The following TAFA1 variants were observed in gnomAD, a reference collection of about 807,000 sequenced individuals.
The protein encoded by TAFA1 is chemokine-like protein TAFA-1.
A neutral mutation model predicts 18.5 loss-of-function variants in TAFA1; 4 were observed. The observed-to-expected ratio is 0.22, with a 90% CI of 0.11 to 0.49. The LOEUF (loss-of-function observed/expected upper bound fraction) is 0.49, where lower values mean the gene tolerates loss of function less well. Ranked by LOEUF, TAFA1 falls within the 20% of genes least tolerant of loss-of-function variation. The pLI, the probability that TAFA1 is intolerant of heterozygous loss-of-function variation, is 0.98. For synonymous variants in TAFA1, 56 were observed against 55.2 expected (o/e 1.01, Z -0.06); for missense variants, 147 against 169.0 (o/e 0.87, Z 0.72).
At chr3:68,071,076 C>T (rs1384413875) in intron 2 of TAFA1, among the ~76,000 whole-genome samples, 1 of 152,148 alleles carries the variant, frequency 6.6e-6, no homozygotes, top group Non-Finnish European at 1.5e-5. Flanking sequence ...TTCAGCAGTC[C>T]CCCATTCTCC....
intron 3 of TAFA1, among the ~76,000 whole-genome samples, chr3:68,432,133 C>T (rs1172881799): frequency 2.0e-5 from 3 of 151,878 alleles, no homozygotes; most frequent in African/African-American, 7.2e-5. Flanking sequence ...CTGTTGCTTT[C>T]CAACTTTTTG....
At chr3:68,506,462 CACACACAGAG>C (rs981149966) in intron 3 of TAFA1, among the ~76,000 whole-genome samples, 34 of 131,192 alleles carry the variant, frequency 2.6e-4, no homozygotes, top group Middle Eastern at 7.8e-3. Context: ...GTTCAACACA[CACACACAGAG>C]ACACACACAC....
chr3:68,332,273 A>G (rs1420715493), intron 2 of TAFA1, among the ~76,000 whole-genome samples: 1 of 152,292 alleles, frequency 6.6e-6, no homozygotes, highest in Non-Finnish European at 1.5e-5. Context: ...TTCCAAATGG[A>G]TTAAAGATCT....
chr3:68,383,064 C>T (rs76003667), intron 2 of TAFA1, among the ~76,000 whole-genome samples: 2 of 152,104 alleles, frequency 1.3e-5, no homozygotes, highest in Admixed American at 6.6e-5. Context: ...TATCCTGAGA[C>T]TTAGTCAAAG....
At chr3:68,155,976 C>A (rs1416281992) in intron 2 of TAFA1, among the ~76,000 whole-genome samples, 1 of 152,038 alleles carries the variant, frequency 6.6e-6, no homozygotes, top group Non-Finnish European at 1.5e-5. Context: ...CAGGTGGTTG[C>A]AATAATTAGG....
chr3:68,491,970 C>A (rs1272458816), intron 3 of TAFA1, among the ~76,000 whole-genome samples: 1 of 152,166 alleles, frequency 6.6e-6, no homozygotes, highest in Non-Finnish European at 1.5e-5. Context: ...CAAACTGTAT[C>A]GATGACCTAC....
In TAFA1 at chr3:68,275,061, A is replaced by G. The variant is rs78713971; in HGVS notation, c.119-142219A>G. 6.7e-3 allele frequency among the ~76,000 whole-genome samples: 1,025 copies of G among 152,184 alleles called. 11 individuals are homozygous for G. Among genetic ancestry groups the G allele is most frequent in the African/African-American group, 0.021 (888 of 41,550 alleles). Reference sequence around the variant, plus strand: ...GTTGTATTATATTTTATTTTTAAAAATTAGTTTTAAGTTTGCAGGATAAAG... The same window carrying G: ...GTTGTATTATATTTTATTTTTAAAAGTTAGTTTTAAGTTTGCAGGATAAAG... On this transcript the variant is annotated intron_variant, in intron 2 of 4. Coordinates refer to ENST00000478136, the MANE Select transcript of TAFA1 (RefSeq NM_213609.4).
At position 68,417,290 on chromosome 3, in the gene TAFA1, G is replaced by C. The variant is rs371451375; in HGVS notation, c.129G>C (p.Thr43=). Residue 43 remains threonine (T), a synonymous_variant, in exon 3 of 5, where the codon ACG becomes ACC. Transcript: ENST00000478136. ...TTTCTCTCTTGCCAGAAGGAGGGAC[G>C]TGTGAAGTGATAGCAGCACACCGAT... ...QHHLHRPEGG[T]CEVIAAHRCC... is the part of the protein sequence containing the mutation. The C allele has an allele frequency of 1.2e-6, 2 of 1,612,944 alleles. No individual in the cohort carries two copies. Among genetic ancestry groups the C allele is most frequent in the East Asian group, 2.2e-5 (1 of 44,746 alleles).
chr3:68,322,485 A>G (rs1356217149), intron 2 of TAFA1, among the ~76,000 whole-genome samples: 1 of 152,142 alleles, frequency 6.6e-6, no homozygotes, highest in African/African-American at 2.4e-5. Context: ...TAGGAGACCC[A>G]GTTTTGGAGA....
chr3:68,356,527 T>C (rs1236613829), intron 2 of TAFA1, among the ~76,000 whole-genome samples: 1 of 151,834 alleles, frequency 6.6e-6, no homozygotes, highest in Non-Finnish European at 1.5e-5. Context: ...ATAGCTACCC[T>C]AGCTACCATC....
At chr3:68,387,760 C>G (rs2070136161) in intron 2 of TAFA1, among the ~76,000 whole-genome samples, 2 of 152,212 alleles carry the variant, frequency 1.3e-5, no homozygotes, top group Admixed American at 6.5e-5. Context: ...CATGTAGGCT[C>G]TAACAGGGAT....
chr3:68,122,595 C>G (rs1286335567), intron 2 of TAFA1, among the ~76,000 whole-genome samples: 2 of 152,068 alleles, frequency 1.3e-5, no homozygotes, highest in Non-Finnish European at 2.9e-5. Flanking sequence ...GGACCATACC[C>G]TAATGAAATT....
At chr3:68,267,041 G>A (rs1379919438) in intron 2 of TAFA1, among the ~76,000 whole-genome samples, 1 of 152,110 alleles carries the variant, frequency 6.6e-6, no homozygotes, top group Non-Finnish European at 1.5e-5. Flanking sequence ...CTTCCTGCAT[G>A]CAAATAATCC....
chr3:68,530,091 T>C (rs2073169272), intron 3 of TAFA1, among the ~76,000 whole-genome samples: 1 of 152,254 alleles, frequency 6.6e-6, no homozygotes, highest in East Asian at 1.9e-4. Context: ...AGGACAGGAC[T>C]ATGTCATGTT....
chr3:68,495,953 TTG>T (rs2072538633), intron 3 of TAFA1, among the ~76,000 whole-genome samples: 1 of 142,510 alleles, frequency 7.0e-6, no homozygotes, highest in African/African-American at 2.7e-5. Flanking sequence ...ATTTTCTCAC[TTG>T]CCTCTTGAAA....
intron 3 of TAFA1, among the ~76,000 whole-genome samples, chr3:68,501,358 T>C (rs2072656552): frequency 6.6e-6 from 1 of 152,006 alleles, no homozygotes; most frequent in Admixed American, 6.6e-5. Flanking sequence ...TTGACAGAAT[T>C]TGTCATCTCA....
In TAFA1 at chr3:68,454,607, C is replaced by T. The variant is rs944990128; in HGVS notation, c.259+37187C>T. On this transcript the variant is annotated intron_variant, in intron 3 of 4. Coordinates refer to ENST00000478136, the MANE Select transcript of TAFA1 (RefSeq NM_213609.4). ...ACTATGTAAGGACCAGTTCTTCCAT[C>T]CTCATCTGAGCTCTTAGTGACAAGT... Among the ~76,000 whole-genome samples, 5 of 152,174 alleles carry T rather than the reference C, an allele frequency of 3.3e-5. No homozygotes were observed. In the East Asian group the frequency reaches 5.8e-4, roughly 18 times the overall value.
intron 2 of TAFA1, among the ~76,000 whole-genome samples, chr3:68,264,366 G>C (rs1175037451): frequency 6.6e-6 from 1 of 152,120 alleles, no homozygotes; most frequent in Non-Finnish European, 1.5e-5. Context: ...TTGAAGTTTG[G>C]GAACTGTCAA....
At chr3:68,395,454 G>T (rs1276774266) in intron 2 of TAFA1, among the ~76,000 whole-genome samples, 1 of 152,050 alleles carries the variant, frequency 6.6e-6, no homozygotes, top group Non-Finnish European at 1.5e-5. Context: ...TATACCCAAA[G>T]GATTATAAAT....
Sources: gnomAD v4.1 joint callset for allele counts (sites outside exome capture counted in the v4.1 genomes callset) on GRCh38, gnomAD v4.1.1 for gene constraint, MANE v1.5 for transcripts, NCBI Gene and HGNC (gene_info 2026-07-23, HGNC 2026-07-21) for gene names.